HSDL2: variants seen among roughly 807,000 people sequenced by gnomAD.
The protein encoded by HSDL2 is hydroxysteroid dehydrogenase like 2, also known as hydroxysteroid dehydrogenase-like protein 2.
Under a neutral mutation model 46.3 loss-of-function variants are expected in HSDL2, and 27 were observed. That is an observed-to-expected ratio of 0.58 (90% confidence interval 0.43 to 0.80). HSDL2 has a LOEUF of 0.80. Among genes scored for constraint, HSDL2 ranks in the 30% least tolerant of loss-of-function variants. The probability of loss-of-function intolerance (pLI) is 0.00; values close to 1 mark genes in which losing one functional copy is unlikely to be tolerated. For missense variants in HSDL2, 451 were observed against 502.7 expected (o/e 0.90, Z 0.98); for synonymous variants, 153 against 163.6 (o/e 0.94, Z 0.50).
intron 6 of HSDL2, among the ~76,000 whole-genome samples, chr9:112,430,654 T>C (rs1371138227): frequency 2.0e-5 from 3 of 152,104 alleles, no homozygotes; most frequent in Non-Finnish European, 4.4e-5. Flanking sequence ...GTAAAGGTGG[T>C]GGACAGTGGC....
intron 1 of HSDL2, among the ~76,000 whole-genome samples, chr9:112,402,645 G>A (rs549937476): frequency 2.0e-5 from 3 of 152,144 alleles, no homozygotes; most frequent in East Asian, 1.9e-4. Flanking sequence ...CAGGCTAGCC[G>A]GGCGCGGTGG....
At chr9:112,444,844 T>TG (rs1040506542) in intron 8 of HSDL2, among the ~76,000 whole-genome samples, 1 of 150,914 alleles carries the variant, frequency 6.6e-6, no homozygotes, top group Non-Finnish European at 1.5e-5. Context: ...GTTTTTTTTT[T>TG]TTTTTTTTTT....
intron 4 of HSDL2, among the ~76,000 whole-genome samples, chr9:112,413,111 T>C (rs1831914562): frequency 6.6e-6 from 1 of 152,174 alleles, no homozygotes; most frequent in African/African-American, 2.4e-5. Flanking sequence ...ACACTGACTT[T>C]TGGGTCAAAG....
chr9:112,420,649 C>G (rs567037901), intron 6 of HSDL2, among the ~76,000 whole-genome samples: 1 of 151,852 alleles, frequency 6.6e-6, no homozygotes, highest in Non-Finnish European at 1.5e-5. Context: ...TCAGCCTCAG[C>G]GACAGAGTGA....
In HSDL2 at chr9:112,454,151, T is replaced by C. The variant is rs1438726526; in HGVS notation, c.1004T>C (p.Phe335Ser). 6.2e-7 allele frequency: 1 copy of C among 1,613,190 alleles called. No homozygotes were observed. Among genetic ancestry groups the C allele is most frequent in the African/African-American group, 1.3e-5 (1 of 75,004 alleles). ...AAAGCCACTCAAGCAATCTATCTGT[T>C]TGAACTCTCCGGTAAGGACTGCATC... Reference protein sequence around the residue: ...VVKATQAIYLFELSGEDGGTW... With the variant: ...VVKATQAIYLSELSGEDGGTW... The change falls in exon 9 of 11, where the codon TTT (phenylalanine) becomes TCT (serine). Residue 335 changes from phenylalanine (F) to serine (S), a missense_variant. Transcript: ENST00000398805.
intron 1 of HSDL2, among the ~76,000 whole-genome samples, chr9:112,381,076 T>C (rs547187236): frequency 1.5e-3 from 138 of 92,024 alleles, no homozygotes; most frequent in African/African-American, 5.7e-3. Flanking sequence ...ACATAATTTG[T>C]ATACATCCGG....
intron 1 of HSDL2, among the ~76,000 whole-genome samples, chr9:112,392,957 C>CCCTCCATTGGGGGAGGGACT (rs1564103438): frequency 3.3e-5 from 5 of 152,318 alleles, no homozygotes; most frequent in Admixed American, 3.3e-4. Context: ...TCCAACTGTT[C>CCCTCCATTGGGGGAGGGACT]CCTCCATTGG....
chr9:112,382,642 A>G (rs10453231), intron 1 of HSDL2, among the ~76,000 whole-genome samples: 3,771 of 152,314 alleles, frequency 0.025, 130 homozygotes, highest in East Asian at 0.091. Context: ...AGCATTCCGT[A>G]CAACAAAGAA....
rs529391815 is a variant in HSDL2 at position 112,443,297 on chromosome 9, C to A, written c.865+1527C>A. 3.9e-5 allele frequency among the ~76,000 whole-genome samples: 6 copies of A among 152,290 alleles called. No homozygotes were observed. In the South Asian group the frequency reaches 1.2e-3, roughly 32 times the overall value. ...TTCAACAAATATTTACTGGGCACCT[C>A]CTATGTGCCAAACACTGTGCTAAGT... On this transcript the variant is annotated intron_variant, in intron 8 of 10. Coordinates refer to ENST00000398805, the MANE Select transcript of HSDL2 (RefSeq NM_032303.5).
At chr9:112,450,849 T>C (rs1452429290) in intron 8 of HSDL2, among the ~76,000 whole-genome samples, 1 of 152,148 alleles carries the variant, frequency 6.6e-6, no homozygotes, top group East Asian at 1.9e-4. Context: ...TTTAATTGCA[T>C]AGACTCCCAT....
rs1162205123 is a variant in HSDL2, at chr9:112,391,444, C to T, written c.17+11264C>T. On this transcript the variant is annotated intron_variant, in intron 1 of 10. Transcript: ENST00000398805. ...TGTGATTCAGACACTGCACTTCAGC[C>T]TGGGTGATACAGAAGACCCAATCTC... 4.6e-5 allele frequency among the ~76,000 whole-genome samples: 7 copies of T among 152,122 alleles called. No individual in the cohort carries two copies. The East Asian group carries it at 1.4e-3, about 29-fold the overall frequency.
At chr9:112,412,270 G>C (rs182845994) in intron 4 of HSDL2, among the ~76,000 whole-genome samples, 1 of 144,588 alleles carries the variant, frequency 6.9e-6, no homozygotes, top group Admixed American at 7.3e-5. Context: ...GGAGAATTTT[G>C]ACGTGATTAA....
rs1833558087 is a variant in HSDL2 at position 112,470,847 on chromosome 9, C to T, written c.*303C>T. ...AAGAAAAGTATTTTGGGCGGACAGT[C>T]AGATCAAGCAGTAAAATTAGCTCTT... On this transcript the variant is annotated 3_prime_UTR_variant, in exon 11 of 11. Coordinates refer to ENST00000398805, the MANE Select transcript of HSDL2 (RefSeq NM_032303.5). 1 of 176,506 alleles carries T rather than the reference C, an allele frequency of 5.7e-6. No individual in the cohort carries two copies. The highest frequency in any genetic ancestry group is 2.4e-5 in the African/African-American group (1 of 42,348). 10.9% of individuals were successfully genotyped at this position (176,506 alleles called of 1,614,324 possible).
At chr9:112,409,382 G>T (rs1831807808) in intron 4 of HSDL2, among the ~76,000 whole-genome samples, 1 of 151,984 alleles carries the variant, frequency 6.6e-6, no homozygotes. Flanking sequence ...GTAGAGACAG[G>T]GTTTTACCAT....
chr9:112,397,502 A>T (rs1013649798), intron 1 of HSDL2, among the ~76,000 whole-genome samples: 2 of 152,238 alleles, frequency 1.3e-5, no homozygotes, highest in African/African-American at 4.8e-5. Context: ...TAACAGTAGT[A>T]AAAGAAACAG....
At chr9:112,424,948 G>C (rs1801619658) in intron 6 of HSDL2, among the ~76,000 whole-genome samples, 1 of 151,630 alleles carries the variant, frequency 6.6e-6, no homozygotes, top group African/African-American at 2.4e-5. Context: ...AGTTTTTTTA[G>C]GTTTAAAGTC....
intron 10 of HSDL2, among the ~76,000 whole-genome samples, chr9:112,467,844 A>G (rs968907841): frequency 7.9e-5 from 12 of 152,192 alleles, no homozygotes; most frequent in Admixed American, 5.9e-4. Flanking sequence ...CCTGAAGCTC[A>G]TTAAGCCTGC....
chr9:112,397,441 C>A (rs1831482334), intron 1 of HSDL2, among the ~76,000 whole-genome samples: 1 of 152,208 alleles, frequency 6.6e-6, no homozygotes, highest in African/African-American at 2.4e-5. Flanking sequence ...TTTTCAACAG[C>A]ATCTTGTAAT....
chr9:112,453,985 G>T, intron 8 of HSDL2, 28 bp from the exon 9 acceptor site: 1 of 1,605,052 alleles, frequency 6.2e-7, no homozygotes, highest in South Asian at 1.1e-5. Context: ...CAAGCATTAA[G>T]GTCATTTGCT....
Sources: allele counts gnomAD v4.1 joint callset (sites outside exome capture counted in the v4.1 genomes callset), GRCh38; gene constraint gnomAD v4.1.1; transcripts MANE v1.5; gene names NCBI Gene and HGNC (gene_info 2026-07-23, HGNC 2026-07-21).